AGBL4: variants seen among roughly 807,000 people sequenced by gnomAD.
AGBL4 encodes cytosolic carboxypeptidase 6.
In AGBL4, 58 loss-of-function variants were observed where a neutral mutation model predicts 66.4. The ratio of observed to expected loss-of-function variants is 0.87; its 90% confidence interval spans 0.71 to 1.09. AGBL4 has a LOEUF of 1.09. Among genes scored for constraint, AGBL4 ranks in the 50% least tolerant of loss-of-function variants. The probability of loss-of-function intolerance (pLI) is 0.00; values close to 1 mark genes in which losing one functional copy is unlikely to be tolerated. For missense variants in AGBL4, 579 were observed against 631.0 expected (o/e 0.92, Z 0.88); for synonymous variants, 234 against 222.9 (o/e 1.05, Z -0.44).
At chr1:49,461,387 G>T (rs1181676438) in intron 3 of AGBL4, among the ~76,000 whole-genome samples, 2 of 150,662 alleles carry the variant, frequency 1.3e-5, no homozygotes, top group Non-Finnish European at 3.0e-5. Context: ...TGATTCTATT[G>T]CTGAGAATTT....
Position 49,677,865 on chromosome 1 carries a change from G to A in AGBL4, c.282+19448C>T, listed in dbSNP as rs543547214. Among the ~76,000 whole-genome samples, 15 of 152,228 alleles carry A rather than the reference G, an allele frequency of 9.9e-5. No individual in the cohort carries two copies. In the South Asian group the frequency reaches 3.1e-3, roughly 32 times the overall value. On this transcript the variant is annotated intron_variant, in intron 3 of 13. Coordinates refer to ENST00000371839, the MANE Select transcript of AGBL4 (RefSeq NM_032785.4). The stretch of plus-strand genomic sequence containing the variant: ...TGAACACACAGCAAGAAGGTAACCA[G>A]GAAGTGACTCCTTATCAGAACTTAA...
intron 5 of AGBL4, among the ~76,000 whole-genome samples, chr1:48,984,653 C>G (rs1432283457): frequency 1.3e-5 from 2 of 151,222 alleles, no homozygotes; most frequent in Non-Finnish European, 2.9e-5. Context: ...CAAACAGATA[C>G]CTACTATCTT....
At chr1:49,089,783 GAC>G (rs368365535) in intron 4 of AGBL4, among the ~76,000 whole-genome samples, 10 of 151,856 alleles carry the variant, frequency 6.6e-5, no homozygotes, top group Non-Finnish European at 1.5e-4. Flanking sequence ...ACTTGGCAGA[GAC>G]ACACACACAC....
intron 5 of AGBL4, among the ~76,000 whole-genome samples, chr1:48,985,879 T>C (rs1006753492): frequency 2.0e-5 from 3 of 152,094 alleles, no homozygotes; most frequent in Admixed American, 6.6e-5. Context: ...ATAGAACTGA[T>C]ACAGATGTTA....
intron 4 of AGBL4, among the ~76,000 whole-genome samples, chr1:49,241,228 T>C (rs1396867484): frequency 6.6e-6 from 1 of 152,064 alleles, no homozygotes; most frequent in Non-Finnish European, 1.5e-5. Context: ...CCTGCCCCCA[T>C]TTAATCATTT....
chr1:49,432,369 T>C (rs546223936), intron 3 of AGBL4, among the ~76,000 whole-genome samples: 21 of 152,176 alleles, frequency 1.4e-4, no homozygotes, highest in African/African-American at 5.1e-4. Context: ...GAATTTCCAA[T>C]TCCAACTGGT....
At chr1:48,747,010 C>A (rs1009360705) in intron 6 of AGBL4, among the ~76,000 whole-genome samples, 1 of 152,226 alleles carries the variant, frequency 6.6e-6, no homozygotes, top group African/African-American at 2.4e-5. Flanking sequence ...CACTTCATTG[C>A]AAATTTTAGT....
At chr1:49,467,492 A>G (rs1046739587) in intron 3 of AGBL4, among the ~76,000 whole-genome samples, 1 of 151,752 alleles carries the variant, frequency 6.6e-6, no homozygotes, top group Non-Finnish European at 1.5e-5. Context: ...GTAATTATCT[A>G]TCTCATGCAC....
intron 3 of AGBL4, among the ~76,000 whole-genome samples, chr1:49,557,338 T>C (rs868164682): frequency 6.6e-6 from 1 of 152,152 alleles, no homozygotes; most frequent in Middle Eastern, 3.2e-3. Context: ...TGAGCCCTCA[T>C]AGTACCTGGT....
intron 6 of AGBL4, among the ~76,000 whole-genome samples, chr1:48,753,585 C>A (rs950080983): frequency 6.6e-6 from 1 of 152,196 alleles, no homozygotes; most frequent in Non-Finnish European, 1.5e-5. Flanking sequence ...TATTAGTGAT[C>A]CAGCTCTAAA....
At chr1:49,895,147 A>G (rs1436827678) in intron 1 of AGBL4, among the ~76,000 whole-genome samples, 1 of 151,794 alleles carries the variant, frequency 6.6e-6, no homozygotes, top group African/African-American at 2.4e-5. Context: ...ATCCTAGAAT[A>G]GTATATTTAG....
intron 3 of AGBL4, among the ~76,000 whole-genome samples, chr1:49,505,163 T>TTA (rs1375710924): frequency 6.6e-6 from 1 of 152,062 alleles, no homozygotes; most frequent in Non-Finnish European, 1.5e-5. Flanking sequence ...ATTTCACACT[T>TTA]TACATCTTTT....
intron 4 of AGBL4, among the ~76,000 whole-genome samples, chr1:49,181,617 A>G (rs551345760): frequency 4.9e-4 from 74 of 152,240 alleles, no homozygotes; most frequent in Non-Finnish European, 8.4e-4. Context: ...GCAGCACTCA[A>G]GATAAAATTT....
Position 50,022,614 on chromosome 1 carries a change from CCACACACACACACACA to C in AGBL4, c.34+1133_34+1148del, listed in dbSNP as rs10588611. Among the ~76,000 whole-genome samples the C allele has an allele frequency of 4.5e-3, 633 of 141,302 alleles. 5 individuals carry two copies. Among genetic ancestry groups the C allele is most frequent in the African/African-American group, 0.015 (580 of 37,962 alleles). The allele number at this position is 141,302 out of a possible 152,430, so 92.7% of individuals were successfully genotyped here. ...GGGGTGTGGTGTGTATGTACCATAA[CCACACACACACACACA>C]CACACACACACACACACACACACAC... On this transcript the variant is annotated intron_variant, in intron 1 of 13. Transcript: ENST00000371839.
In AGBL4 at chr1:49,107,690, TGTGTGAGAGA is replaced by T. The variant is rs1402989386; in HGVS notation, c.378-61900_378-61891del. 3.7e-5 allele frequency among the ~76,000 whole-genome samples: 4 copies of T among 107,158 alleles called. No homozygotes were observed. The East Asian group carries it at 9.0e-4, about 24-fold the overall frequency. The allele number at this position is 107,158 out of a possible 152,430, so 70.3% of individuals were successfully genotyped here. A position where few individuals can be genotyped will look rare whatever the true frequency, so the allele number is the denominator to read the frequency against. The stretch of plus-strand genomic sequence containing the variant: ...ATATGTGTATGTGTGTGTGTGTGTG[TGTGTGAGAGA>T]GAGAGAGAGAGAGAGAGAGAGAGAG... On this transcript the variant is annotated intron_variant, in intron 4 of 13. Coordinates refer to ENST00000371839, the MANE Select transcript of AGBL4 (RefSeq NM_032785.4).
At chr1:49,850,720 T>C (rs1344657514) in intron 2 of AGBL4, among the ~76,000 whole-genome samples, 2 of 152,082 alleles carry the variant, frequency 1.3e-5, no homozygotes, top group Non-Finnish European at 2.9e-5. Flanking sequence ...GCATACACAT[T>C]ATTCAGAACC....
intron 3 of AGBL4, among the ~76,000 whole-genome samples, chr1:49,270,003 C>T: frequency 6.6e-6 from 1 of 152,140 alleles, no homozygotes; most frequent in East Asian, 1.9e-4. Flanking sequence ...AATTTCTTAA[C>T]AGCTAGGCTC....
intron 3 of AGBL4, among the ~76,000 whole-genome samples, chr1:49,303,576 C>T (rs570266041): frequency 3.2e-4 from 49 of 151,950 alleles, no homozygotes; most frequent in South Asian, 8.3e-4. Flanking sequence ...CCTCAGCCTC[C>T]CGAGTAGCTG....
chr1:48,863,957 T>A (rs532819763), intron 6 of AGBL4, among the ~76,000 whole-genome samples: 45 of 152,144 alleles, frequency 3.0e-4, no homozygotes, highest in African/African-American at 9.6e-4. Context: ...CATAAAAAAA[T>A]TTTTTAAAAC....
Sources: allele counts gnomAD v4.1 joint callset (sites outside exome capture counted in the v4.1 genomes callset), GRCh38; gene constraint gnomAD v4.1.1; transcripts MANE v1.5; gene names NCBI Gene and HGNC (gene_info 2026-07-23, HGNC 2026-07-21).